Variants in ABCA13 observed in about 807,000 individuals in gnomAD.
ABCA13 encodes the protein ATP binding cassette subfamily A member 13.
Under a neutral mutation model 478.7 loss-of-function variants are expected in ABCA13, and 476 were observed. That is an observed-to-expected ratio of 0.99 (90% CI 0.92 to 1.07). The LOEUF is 1.07. Ranked by LOEUF, ABCA13 falls within the 50% of genes least tolerant of loss-of-function variation. The pLI is 0.00. For missense variants in ABCA13, 6,060 were observed against 5,910.6 expected, an observed-to-expected ratio of 1.03 and a Z score of -0.83; for synonymous variants, 2,252 against 2,158.9, an observed-to-expected ratio of 1.04 and a Z score of -1.20.
At chr7:48,488,785 A>C (rs1419741309) in intron 47 of ABCA13, among the ~76,000 whole-genome samples, 2 of 152,092 alleles carry the variant, frequency 1.3e-5, no homozygotes, top group East Asian at 3.9e-4. Flanking sequence ...TTTATTCTCC[A>C]TGCTCAGCAA....
intron 48 of ABCA13, 59 bp from the exon 49 acceptor site, chr7:48,506,277 G>T (rs1408991246): frequency 6.4e-7 from 1 of 1,552,774 alleles, no homozygotes; most frequent in Non-Finnish European, 8.9e-7. Context: ...CTGTAGATGA[G>T]CTGCGATTCA....
chr7:48,491,310 C>T (rs148836534), intron 48 of ABCA13, among the ~76,000 whole-genome samples: 5 of 152,100 alleles, frequency 3.3e-5, no homozygotes, highest in African/African-American at 4.8e-5. Flanking sequence ...AGATCCTGCA[C>T]GGGTCAGACA....
At chr7:48,244,916 C>G (rs762584993) in intron 11 of ABCA13, among the ~76,000 whole-genome samples, 1 of 152,132 alleles carries the variant, frequency 6.6e-6, no homozygotes, top group Admixed American at 6.5e-5. Flanking sequence ...CAGTGAAGAG[C>G]GCATCCTTCT....
chr7:48,378,957 T>C (rs903619956), intron 35 of ABCA13, among the ~76,000 whole-genome samples: 2 of 152,194 alleles, frequency 1.3e-5, no homozygotes, highest in African/African-American at 4.8e-5. Flanking sequence ...TTTCAACATT[T>C]TGTTTAGTGA....
intron 39 of ABCA13, among the ~76,000 whole-genome samples, chr7:48,409,077 C>T (rs11762321): frequency 0.059 from 8,909 of 152,276 alleles, 304 homozygotes; most frequent in Non-Finnish European, 0.08. Flanking sequence ...GGGTAATTAG[C>T]ATATTCACAA....
At chr7:48,305,306 C>T (rs1800737682) in intron 23 of ABCA13, among the ~76,000 whole-genome samples, 2 of 152,158 alleles carry the variant, frequency 1.3e-5, no homozygotes, top group Admixed American at 1.3e-4. Flanking sequence ...GGCTTCAGTC[C>T]TTCTGGCCAG....
chr7:48,368,480 C>A (rs1196723479), intron 32 of ABCA13, among the ~76,000 whole-genome samples: 7 of 151,794 alleles, frequency 4.6e-5, no homozygotes, highest in African/African-American at 1.7e-4. Context: ...TACTCTGAGT[C>A]CCCAAAGTCC....
At chr7:48,637,407 CAG>C (rs369480234) in intron 59 of ABCA13, among the ~76,000 whole-genome samples, 1,382 of 55,756 alleles carry the variant, frequency 0.025, 22 homozygotes, top group African/African-American at 0.097. Flanking sequence ...AAAAAAAAAA[CAG>C]AGAGAGAAAG....
intron 5 of ABCA13, 78 bp from the exon 6 acceptor site, chr7:48,227,184 T>G: frequency 6.6e-7 from 1 of 1,520,882 alleles, no homozygotes. Flanking sequence ...TTTGCACCTT[T>G]GTAGCATCTG....
At chr7:48,425,949 G>A (rs991083543) in intron 41 of ABCA13, among the ~76,000 whole-genome samples, 16 of 151,978 alleles carry the variant, frequency 1.1e-4, no homozygotes, top group Non-Finnish European at 2.2e-4. Flanking sequence ...CACTGTGTTA[G>A]CCAGGATGGT....
rs532056327 is a variant in ABCA13, at chr7:48,409,085, C to G, written c.12071-1435C>G. ...CAAATCAGGGTAATTAGCATATTCA[C>G]AACCTCAAACATTTACTTGAGTAGA... On this transcript the variant is annotated intron_variant, in intron 39 of 61. Coordinates refer to ENST00000435803, the MANE Select transcript of ABCA13 (RefSeq NM_152701.5). 2.6e-5 allele frequency among the ~76,000 whole-genome samples: 4 copies of G among 152,332 alleles called. No individual in the cohort carries two copies. The South Asian group carries it at 8.3e-4, about 32-fold the overall frequency.
At chr7:48,317,771 G>A (rs777226196) in intron 27 of ABCA13, among the ~76,000 whole-genome samples, 10 of 152,202 alleles carry the variant, frequency 6.6e-5, no homozygotes, top group Non-Finnish European at 1.2e-4. Flanking sequence ...TTCACCCTGT[G>A]GAGAATAAGG....
At chr7:48,193,273 T>C (rs1367948735) in intron 2 of ABCA13, among the ~76,000 whole-genome samples, 1 of 152,214 alleles carries the variant, frequency 6.6e-6, no homozygotes, top group Non-Finnish European at 1.5e-5. Context: ...ATCTAGCACA[T>C]AGATTTATTC....
chr7:48,274,133 A>T lies in ABCA13; in HGVS notation c.4467A>T (p.Leu1489Phe). 6.2e-7 allele frequency: 1 copy of T among 1,607,664 alleles called. No individual in the cohort carries two copies. Among genetic ancestry groups the T allele is most frequent in the African/African-American group, 1.3e-5 (1 of 74,860 alleles). ...EKEKKPKFEI[L>F]LALLNDSTKQ... ...AGAAGAAACCTAAATTTGAGATTTT[A>T]TTAGCTCTTTTAAATGATTCCACAA... Residue 1489 changes from leucine to phenylalanine, a missense_variant, in exon 17 of 62, where the codon TTA becomes TTT. Physicochemically the swap from Leu to Phe is conservative, Grantham distance 22 (BLOSUM62 0). This residue lies in a region of ABCA13 where 4,423 missense variants were observed against 4,309.1 expected (regional missense o/e 1.03). Transcript: ENST00000435803.
rs572304224 is a variant in ABCA13, at chr7:48,356,401, T to A, written c.10688+3914T>A. Reference sequence around the variant, plus strand: ...TTGGAAGAAGTCTTTTTTTTTTTTTTAAATATAAGATGCTACCTGGGGAAT... The same window carrying A: ...TTGGAAGAAGTCTTTTTTTTTTTTTAAAATATAAGATGCTACCTGGGGAAT... On this transcript the variant is annotated intron_variant, in intron 31 of 61. Transcript: ENST00000435803. Among the ~76,000 whole-genome samples the A allele has an allele frequency of 3.3e-4, 49 of 150,568 alleles. 4 individuals are homozygous for A. Among genetic ancestry groups the A allele is most frequent in the African/African-American group, 1.1e-3 (43 of 40,578 alleles).
chr7:48,644,571 A>C (rs770022203), intron 60 of ABCA13, 46 bp from the exon 61 acceptor site: 2 of 1,542,942 alleles, frequency 1.3e-6, no homozygotes, highest in South Asian at 1.2e-5. Flanking sequence ...TTTGTTTAAT[A>C]ATGCTAGTTA....
intron 27 of ABCA13, among the ~76,000 whole-genome samples, chr7:48,331,656 T>G (rs1805422484): frequency 6.6e-6 from 1 of 152,210 alleles, no homozygotes; most frequent in Admixed American, 6.5e-5. Flanking sequence ...GGTTTCCTAA[T>G]GGTAACATCT....
At chr7:48,430,488 A>G (rs1262766205) in intron 42 of ABCA13, among the ~76,000 whole-genome samples, 4 of 152,102 alleles carry the variant, frequency 2.6e-5, no homozygotes, top group African/African-American at 9.7e-5. Flanking sequence ...AGCCTGGCCA[A>G]CATGGTGAAA....
At chr7:48,524,642 T>C (rs1832769653) in intron 54 of ABCA13, among the ~76,000 whole-genome samples, 1 of 151,398 alleles carries the variant, frequency 6.6e-6, no homozygotes, top group Non-Finnish European at 1.5e-5. Flanking sequence ...GGCTGATTGA[T>C]AGGATTTATT....
Sources: allele counts gnomAD v4.1 joint callset (sites outside exome capture counted in the v4.1 genomes callset), GRCh38; gene constraint gnomAD v4.1.1; regional missense constraint gnomAD v4.1.1; transcripts MANE v1.5; gene names NCBI Gene and HGNC (gene_info 2026-07-23, HGNC 2026-07-21).